Variants in BMPR1B observed in about 807,000 individuals in gnomAD.
The protein encoded by BMPR1B is bone morphogenetic protein receptor type 1B.
A neutral mutation model predicts 59.1 loss-of-function variants in BMPR1B; 12 were observed. The observed-to-expected ratio is 0.20, with a 90% CI of 0.13 to 0.33. The LOEUF (loss-of-function observed/expected upper bound fraction) is 0.33. Ranked by LOEUF, BMPR1B falls within the 10% of genes least tolerant of loss-of-function variation. The probability of loss-of-function intolerance (pLI) is 1.00; values close to 1 mark genes in which losing one functional copy is unlikely to be tolerated. For missense variants in BMPR1B, 550 were observed against 610.9 expected (o/e 0.90, Z 1.05); for synonymous variants, 237 against 207.3 (o/e 1.14, Z -1.23).
At chr4:94,797,635 G>A (rs6840866) in intron 1 of BMPR1B, among the ~76,000 whole-genome samples, 83,996 of 152,006 alleles carry the variant, frequency 0.55, 23,345 homozygotes, top group Middle Eastern at 0.7. Context: ...GTGTTCCCCA[G>A]ATTTACCTAA....
chr4:95,133,001 C>T (rs116230614), intron 10 of BMPR1B, among the ~76,000 whole-genome samples: 115 of 152,192 alleles, frequency 7.6e-4, no homozygotes, highest in African/African-American at 2.7e-3. Flanking sequence ...ACATATTTTC[C>T]GACTGCTAGA....
At chr4:95,120,913 A>G (rs58399580) in intron 6 of BMPR1B, among the ~76,000 whole-genome samples, 69,832 of 151,700 alleles carry the variant, frequency 0.46, 17,729 homozygotes, top group Admixed American at 0.59. Context: ...GGTTCAAGCA[A>G]TTCTCCCGAC....
At chr4:94,857,783 A>G (rs1725818103) in intron 1 of BMPR1B, among the ~76,000 whole-genome samples, 1 of 152,212 alleles carries the variant, frequency 6.6e-6, no homozygotes. Flanking sequence ...ACCTATTTTA[A>G]ACAATACAAC....
At chr4:94,985,459 CTAAG>C (rs2149091950) in intron 2 of BMPR1B, among the ~76,000 whole-genome samples, 1 of 150,926 alleles carries the variant, frequency 6.6e-6, no homozygotes, top group Non-Finnish European at 1.5e-5. Flanking sequence ...GTGTGGTTGA[CTAAG>C]TAATGATACT....
At chr4:94,911,218 C>T (rs1728261951) in intron 2 of BMPR1B, among the ~76,000 whole-genome samples, 1 of 152,090 alleles carries the variant, frequency 6.6e-6, no homozygotes, top group Non-Finnish European at 1.5e-5. Context: ...ATGAGTGAAA[C>T]TCAATCTTAG....
chr4:94,828,026 G>A (rs1177115812), intron 1 of BMPR1B, among the ~76,000 whole-genome samples: 3 of 152,124 alleles, frequency 2.0e-5, no homozygotes, highest in African/African-American at 4.8e-5. Flanking sequence ...CAGCAGATAA[G>A]GTCACGTGTG....
At chr4:95,113,350 A>G (rs181563882) in intron 4 of BMPR1B, among the ~76,000 whole-genome samples, 165 of 152,258 alleles carry the variant, frequency 1.1e-3, no homozygotes, top group Middle Eastern at 0.01. Flanking sequence ...GCTGGCTCTT[A>G]TAAAGTGAAG....
intron 3 of BMPR1B, among the ~76,000 whole-genome samples, chr4:95,001,607 ATT>A (rs993427061): frequency 1.1e-4 from 16 of 152,156 alleles, no homozygotes; most frequent in African/African-American, 3.6e-4. Context: ...GAATATCTGT[ATT>A]TCAGTAGGAT....
At chr4:95,039,447 T>C (rs1326957182) in intron 3 of BMPR1B, among the ~76,000 whole-genome samples, 1 of 150,136 alleles carries the variant, frequency 6.7e-6, no homozygotes, top group Non-Finnish European at 1.5e-5. Flanking sequence ...TTACACAATC[T>C]ACTTGTTTAA....
intron 2 of BMPR1B, among the ~76,000 whole-genome samples, chr4:94,956,132 G>T (rs971312993): frequency 1.3e-5 from 2 of 152,130 alleles, no homozygotes; most frequent in African/African-American, 4.8e-5. Context: ...TAGTTCATCA[G>T]TAGTTTTAAA....
At chr4:95,041,731 G>A (rs1467674102) in intron 3 of BMPR1B, among the ~76,000 whole-genome samples, 1 of 151,804 alleles carries the variant, frequency 6.6e-6, no homozygotes, top group Non-Finnish European at 1.5e-5. Flanking sequence ...TTTTATCTTA[G>A]GCATACACAG....
intron 3 of BMPR1B, among the ~76,000 whole-genome samples, chr4:95,017,401 C>CT (rs1208996738): frequency 1.3e-5 from 2 of 152,116 alleles, no homozygotes; most frequent in African/African-American, 4.8e-5. Context: ...TCACGAGGGA[C>CT]TTTTTTGCAT....
chr4:94,921,786 A>G (rs1728698990), intron 2 of BMPR1B, among the ~76,000 whole-genome samples: 1 of 152,208 alleles, frequency 6.6e-6, no homozygotes, highest in African/African-American at 2.4e-5. Flanking sequence ...TTGTAGCATT[A>G]AAATGAAATG....
rs1458096166 is a variant in BMPR1B, at chr4:95,030,045, A to T, written c.-18+33911A>T. On this transcript the variant is annotated intron_variant, in intron 3 of 12. Transcript: ENST00000515059. ...TTTGTCAGATGAGTAGGTTGCAAAA[A>T]TTTTCTCCCATTTTGTAGGTTGCCT... is the stretch of plus-strand genomic sequence containing the variant. Among the ~76,000 whole-genome samples the T allele has an allele frequency of 2.7e-5, 4 of 150,622 alleles. No individual in the cohort carries two copies. In the East Asian group the frequency reaches 7.8e-4, roughly 29 times the overall value.
chr4:95,148,971 A>T, intron 11 of BMPR1B, 48 bp downstream of exon 11: 1 of 1,601,996 alleles, frequency 6.2e-7, no homozygotes, highest in Non-Finnish European at 8.6e-7. Flanking sequence ...AGCTACTATA[A>T]ATCCTTTCTT....
intron 6 of BMPR1B, among the ~76,000 whole-genome samples, chr4:95,116,425 A>ACACACACACACC (rs1560666056): frequency 7.7e-6 from 1 of 129,500 alleles, no homozygotes; most frequent in African/African-American, 3.7e-5. Context: ...GCGCGCGCAC[A>ACACACACACACC]CACACACACA....
rs562359324 is a variant in BMPR1B at position 95,052,119 on chromosome 4, T to C, written c.-17-52289T>C. 3.0e-3 allele frequency among the ~76,000 whole-genome samples: 451 copies of C among 152,346 alleles called. 2 individuals are homozygous for C. The Middle Eastern group carries it at 0.031, about 10-fold the overall frequency. ...ACAGCTATTCTAACAAACTTTTTTC[T>C]GATTATTTTAGCTTGAATACTGTTA... On this transcript the variant is annotated intron_variant, in intron 3 of 12. Transcript: ENST00000515059.
At chr4:95,085,979 G>T (rs1158616518) in intron 3 of BMPR1B, among the ~76,000 whole-genome samples, 4 of 122,970 alleles carry the variant, frequency 3.3e-5, no homozygotes, top group Admixed American at 2.8e-4. Flanking sequence ...ACATATTTGT[G>T]TGTGTGTACC....
chr4:95,079,000 C>A (rs574886567), intron 3 of BMPR1B, among the ~76,000 whole-genome samples: 20 of 152,254 alleles, frequency 1.3e-4, no homozygotes, highest in African/African-American at 4.8e-4. Context: ...CTCAAGTAAT[C>A]CACCTGCCTT....
Sources: allele counts gnomAD v4.1 joint callset (sites outside exome capture counted in the v4.1 genomes callset), GRCh38; gene constraint gnomAD v4.1.1; transcripts MANE v1.5; gene names NCBI Gene and HGNC (gene_info 2026-07-23, HGNC 2026-07-21).